MPHOSPH9: variants seen among roughly 807,000 people sequenced by gnomAD.
MPHOSPH9 encodes the protein M-phase phosphoprotein 9.
MPHOSPH9 carries 88 observed loss-of-function variants against 145.5 expected under a neutral mutation model. The ratio of observed to expected loss-of-function variants is 0.60; its 90% CI spans 0.51 to 0.72. MPHOSPH9 has a LOEUF of 0.72. Ranked by LOEUF, MPHOSPH9 falls within the 30% of genes least tolerant of loss-of-function variation. MPHOSPH9 has a pLI of 0.00. For missense variants in MPHOSPH9, 1,238 were observed against 1,386.6 expected (o/e 0.89, Z 1.70); for synonymous variants, 435 against 486.2 (o/e 0.89, Z 1.39).
chr12:123,206,496 A>G (rs796619767), intron 8 of MPHOSPH9, among the ~76,000 whole-genome samples: 18 of 128,740 alleles, frequency 1.4e-4, no homozygotes, highest in African/African-American at 4.5e-4. Context: ...GGAGAAGAGA[A>G]GAGAGGAGAG....
At chr12:123,242,076 T>C (rs2047948707) in intron 1 of MPHOSPH9, among the ~76,000 whole-genome samples, 1 of 152,242 alleles carries the variant, frequency 6.6e-6, no homozygotes, top group African/African-American at 2.4e-5. Context: ...CCATGCCTGA[T>C]ACTCAATAGA....
intron 18 of MPHOSPH9, 36 bp downstream of exon 18, chr12:123,165,266 T>C: frequency 1.3e-6 from 2 of 1,507,032 alleles, no homozygotes; most frequent in Non-Finnish European, 1.8e-6. Context: ...GGAAAAGATA[T>C]CTATATCCAT....
intron 7 of MPHOSPH9, 60 bp downstream of exon 7, chr12:123,214,684 G>A: frequency 7.5e-7 from 1 of 1,325,684 alleles, no homozygotes; most frequent in East Asian, 2.3e-5. Context: ...AAAAATCTAA[G>A]TACCTTCCTC....
At chr12:123,177,703 A>G (rs1489960274) in intron 15 of MPHOSPH9, among the ~76,000 whole-genome samples, 4 of 152,208 alleles carry the variant, frequency 2.6e-5, no homozygotes, top group Non-Finnish European at 5.9e-5. Flanking sequence ...TCAAAACATA[A>G]CATTTATAAA....
intron 23 of MPHOSPH9, among the ~76,000 whole-genome samples, chr12:123,158,547 C>T (rs768255166): frequency 8.5e-5 from 13 of 152,240 alleles, no homozygotes; most frequent in Admixed American, 3.3e-4. Flanking sequence ...TATGATTGTG[C>T]CAATGCACTC....
chr12:123,221,062 G>A (rs1178261359), intron 5 of MPHOSPH9, among the ~76,000 whole-genome samples: 5 of 151,728 alleles, frequency 3.3e-5, no homozygotes, highest in African/African-American at 7.3e-5. Context: ...CTCAAAAAAC[G>A]AAAAAAAATT....
chr12:123,157,656 A>ATT (rs1281932449), intron 23 of MPHOSPH9, among the ~76,000 whole-genome samples: 1 of 145,696 alleles, frequency 6.9e-6, no homozygotes, highest in Non-Finnish European at 1.5e-5. Flanking sequence ...GATTTTAAAC[A>ATT]TTTTTTTTTT....
chr12:123,206,057 G>C (rs976438093), intron 8 of MPHOSPH9, among the ~76,000 whole-genome samples: 1 of 152,044 alleles, frequency 6.6e-6, no homozygotes, highest in Non-Finnish European at 1.5e-5. Flanking sequence ...AAGCAGAAAG[G>C]CCTTTCTATT....
intron 13 of MPHOSPH9, among the ~76,000 whole-genome samples, chr12:123,192,139 G>C (rs1288170417): frequency 6.6e-6 from 1 of 152,154 alleles, no homozygotes; most frequent in Non-Finnish European, 1.5e-5. Flanking sequence ...CTAAAACTAG[G>C]AGGTAAAAGC....
Position 123,227,485 on chromosome 12 carries a change from G to A in MPHOSPH9, c.236C>T (p.Ser79Leu), listed in dbSNP as rs753336749. The stretch of plus-strand genomic sequence containing the variant: ...TACCTCACAGTTTTTCCAAAGTTCC[G>A]AATCAGTCTTTCCACTGTTTTGTAG... ...QELQNSGKTD[S>L]ELWKNCETRW... The change falls in exon 3 of 24, where the codon TCG becomes TTG. Residue 79 changes from serine to leucine, a missense_variant. Ser to Leu is a moderately radical substitution (Grantham distance 145, BLOSUM62 -2). Around this residue, in one of 3 missense-constraint regions of MPHOSPH9, gnomAD observed 837 missense variants for 897.5 expected, o/e 0.93. Coordinates refer to ENST00000606320, the MANE Select transcript of MPHOSPH9 (RefSeq NM_022782.4). The A allele has an allele frequency of 8.3e-5, 125 of 1,497,910 alleles. No homozygotes were observed. In the Middle Eastern group the frequency reaches 1.7e-3, roughly 21 times the overall value. The allele number at this position is 1,497,910 out of a possible 1,614,324, so 92.8% of individuals were successfully genotyped here. A position where few individuals can be genotyped will look rare whatever the true frequency, so the allele number is the denominator to read the frequency against.
At chr12:123,233,472 C>A (rs577696104), upstream of MPHOSPH9, 3 of 152,300 alleles carry the variant, frequency 2.0e-5, no homozygotes, top group African/African-American at 7.2e-5. Flanking sequence ...GCGAATCCTC[C>A]GCTGAGGTGA....
chr12:123,158,926 C>T (rs1288173611), intron 23 of MPHOSPH9, among the ~76,000 whole-genome samples: 2 of 151,802 alleles, frequency 1.3e-5, no homozygotes, highest in African/African-American at 4.8e-5. Flanking sequence ...CCACTGTTCT[C>T]GGCCTCAAAA....
chr12:123,202,475 C>T, intron 10 of MPHOSPH9, 149 bp downstream of exon 10: 1 of 1,191,054 alleles, frequency 8.4e-7, no homozygotes, highest in Admixed American at 2.8e-5. Flanking sequence ...AAAAAGTTAA[C>T]AATCAAGTGA....
At chr12:123,175,211 CGCA>C in intron 16 of MPHOSPH9, among the ~76,000 whole-genome samples, 1 of 151,344 alleles carries the variant, frequency 6.6e-6, no homozygotes, top group Non-Finnish European at 1.5e-5. Context: ...AGTGCAGTGG[CGCA>C]ATCTCGACTC....
At chr12:123,187,328 T>C (rs1321267034) in intron 13 of MPHOSPH9, among the ~76,000 whole-genome samples, 1 of 152,038 alleles carries the variant, frequency 6.6e-6, no homozygotes, top group African/African-American at 2.4e-5. Context: ...GAATATGATA[T>C]ACCTCGAGAA....
At chr12:123,228,517 A>G (rs1167871775) in intron 2 of MPHOSPH9, among the ~76,000 whole-genome samples, 11 of 152,122 alleles carry the variant, frequency 7.2e-5, no homozygotes, top group Admixed American at 7.2e-4. Flanking sequence ...GTGAAACACC[A>G]TCTCTACTAA....
At position 123,210,181 on chromosome 12, in the gene MPHOSPH9, C is replaced by A; in HGVS notation, c.1088-19G>T. ...GTCAATCCTGATGTGCACAAACACA[C>A]AGAATAGAAAAGAGTGAGAAAAAAA... On this transcript the variant is annotated intron_variant, in intron 7 of 23. Coordinates refer to ENST00000606320, the MANE Select transcript of MPHOSPH9 (RefSeq NM_022782.4). The A allele has an allele frequency of 1.4e-6, 2 of 1,438,162 alleles. No individual in the cohort carries two copies. The highest frequency in any genetic ancestry group is 1.3e-5 in the South Asian group (1 of 75,804). The allele number at this position is 1,438,162 out of a possible 1,614,324, so 89.1% of individuals were successfully genotyped here.
intron 1 of MPHOSPH9, among the ~76,000 whole-genome samples, chr12:123,241,454 C>T (rs192723995): frequency 6.6e-6 from 1 of 152,298 alleles, no homozygotes; most frequent in African/African-American, 2.4e-5. Flanking sequence ...TCTCCTGCCT[C>T]AGTCCTCCCA....
intron 8 of MPHOSPH9, among the ~76,000 whole-genome samples, chr12:123,206,475 A>T (rs2046437434): frequency 1.4e-5 from 2 of 145,248 alleles, no homozygotes; most frequent in South Asian, 4.5e-4. Context: ...AAAGAGAGAA[A>T]GAGAGGAAGA....
Sources: allele counts gnomAD v4.1 joint callset (sites outside exome capture counted in the v4.1 genomes callset), GRCh38; gene constraint gnomAD v4.1.1; regional missense constraint gnomAD v4.1.1; transcripts MANE v1.5; gene names NCBI Gene and HGNC (gene_info 2026-07-23, HGNC 2026-07-21).